Variants in TMEM235 observed in about 807,000 individuals in gnomAD.
The protein encoded by TMEM235 is transmembrane protein 235, also known as claudin-27.
In TMEM235, 23 loss-of-function variants were observed where a neutral mutation model predicts 22.9. That is an observed-to-expected ratio of 1.00 (90% CI 0.72 to 1.42). TMEM235 has a LOEUF of 1.42. Ranked by LOEUF, TMEM235 falls within the 40% of genes most tolerant of loss-of-function variation. TMEM235 has a pLI of 0.00. For synonymous variants in TMEM235, 137 were observed against 140.5 expected, an observed-to-expected ratio of 0.98 and a Z score of 0.17; for missense variants, 308 against 299.5, an observed-to-expected ratio of 1.03 and a Z score of -0.21.
At chr17:78,239,885 T>A (rs958428504) in exon 6 of TMEM235, 5 of 1,551,038 alleles carry the variant, frequency 3.2e-6, no homozygotes, top group Non-Finnish European at 4.4e-6. Context: ...TTCTGTCCAC[T>A]CTCCCCGAAG....
chr17:78,239,102 G>A (rs1339245518), exon 5 of TMEM235: 2 of 1,544,134 alleles, frequency 1.3e-6, no homozygotes, highest in Admixed American at 3.9e-5. Context: ...CAGCAGTATG[G>A]CCCGCAGCAC....
chr17:78,232,298 C>G (rs1282629062), intron 2 of TMEM235, 85 bp downstream of exon 1: 21 of 1,278,446 alleles, frequency 1.6e-5, no homozygotes, highest in Non-Finnish European at 1.9e-5. Context: ...CGTGTTGCCC[C>G]GCCAGACCCC....
intron 2 of TMEM235, 116 bp downstream of exon 1, chr17:78,232,329 C>A: frequency 1.0e-6 from 1 of 1,004,892 alleles, no homozygotes; most frequent in Non-Finnish European, 1.3e-6. Context: ...CCCTCTCTTG[C>A]ATCCCGCTCT....
At chr17:78,231,656 G>A in exon 2 of TMEM235, 3 of 1,298,270 alleles carry the variant, frequency 2.3e-6, no homozygotes, top group South Asian at 1.2e-5. Flanking sequence ...CGGCCAGGCA[G>A]GTGCATCTTG....
intron 2 of TMEM235, among the ~76,000 whole-genome samples, chr17:78,233,236 C>G (rs1247069878): frequency 6.6e-6 from 1 of 152,218 alleles, no homozygotes; most frequent in African/African-American, 2.4e-5. Flanking sequence ...CAGGAAGATT[C>G]CAGAGCGAGG....
At chr17:78,236,965 G>C (rs1184170515) in intron 4 of TMEM235, among the ~76,000 whole-genome samples, 1 of 152,240 alleles carries the variant, frequency 6.6e-6, no homozygotes, top group East Asian at 1.9e-4. Flanking sequence ...ATCCAATTAA[G>C]AGGACCTTCG....
Position 78,239,760 on chromosome 17 carries a change from A to G in TMEM235, c.660-20A>G. The G allele has an allele frequency of 1.3e-6, 2 of 1,530,836 alleles. No homozygotes were observed. Among genetic ancestry groups the G allele is most frequent in the Non-Finnish European group, 1.8e-6 (2 of 1,130,492 alleles). 94.8% of individuals were successfully genotyped at this position (1,530,836 alleles called of 1,614,324 possible). The stretch of plus-strand genomic sequence containing the variant: ...CCCGCAATGGCCCTACTCAATGACT[A>G]CCCTTTATCCATTTTACAGAGGGGG... On this transcript the variant is annotated intron_variant, in intron 5 of 5. Coordinates refer to ENST00000421688, the Ensembl canonical transcript of TMEM235.
At chr17:78,239,052 C>T in exon 5 of TMEM235, 8 of 1,543,384 alleles carry the variant, frequency 5.2e-6, no homozygotes, top group Non-Finnish European at 7.0e-6. Context: ...GGGTCAGCAT[C>T]TACATCAGCT....
chr17:78,234,389 G>A (rs1410297278), intron 3 of TMEM235: 5 of 795,866 alleles, frequency 6.3e-6, no homozygotes, highest in Non-Finnish European at 8.5e-6. Context: ...GGCTGGGAGT[G>A]TTCTGGGGAC....
intron 2 of TMEM235, 25 bp downstream of exon 1, chr17:78,232,238 C>A (rs2076590707): frequency 7.0e-7 from 1 of 1,428,706 alleles, no homozygotes; most frequent in Non-Finnish European, 9.1e-7. Context: ...CGCCGGCCCT[C>A]CTCCCTCCGC....
chr17:78,231,773 C>T (rs1306808848), exon 2 of TMEM235: 6 of 1,222,306 alleles, frequency 4.9e-6, no homozygotes, highest in Non-Finnish European at 5.3e-6. Context: ...CCAGGTTCGC[C>T]GCGCGGCTCT....
In TMEM235 at chr17:78,239,352, C is replaced by G. The variant is rs1057277962; in HGVS notation, c.659+79C>G. ...CAGGGCCCCTTGAGAGTCTGGGAATCCCTTCTCTGGGCCTCGCTGGGGTCC... is the reference window on the plus strand; with the variant it reads ...CAGGGCCCCTTGAGAGTCTGGGAATGCCTTCTCTGGGCCTCGCTGGGGTCC... On this transcript the variant is annotated intron_variant, in intron 5 of 5. Transcript: ENST00000421688. 17 of 1,453,334 alleles carry G rather than the reference C, an allele frequency of 1.2e-5. No homozygotes were observed. In the Admixed American group the frequency reaches 3.4e-4, roughly 29 times the overall value. The allele number at this position is 1,453,334 out of a possible 1,614,324, so 90.0% of individuals were successfully genotyped here. A position where few individuals can be genotyped will look rare whatever the true frequency, so the allele number is the denominator to read the frequency against.
At chr17:78,236,690 G>T (rs1328000884) in intron 4 of TMEM235, among the ~76,000 whole-genome samples, 1 of 152,244 alleles carries the variant, frequency 6.6e-6, no homozygotes, top group Non-Finnish European at 1.5e-5. Context: ...CCCGAGCCAG[G>T]CCCTGATGTC....
chr17:78,236,075 C>T lies in TMEM235; in HGVS notation c.409+1345C>T, dbSNP rs948570002. On this transcript the variant is annotated intron_variant, in intron 4 of 5. Coordinates refer to ENST00000421688, the Ensembl canonical transcript of TMEM235. The stretch of plus-strand genomic sequence containing the variant: ...ATTATCATTCCACATGCGATTCGGG[C>T]CGGGACACCAAACCCTAGCACCGTG... Among the ~76,000 whole-genome samples, 2 of 152,214 alleles carry T rather than the reference C, an allele frequency of 1.3e-5. 1 individual carries two copies. Among genetic ancestry groups the T allele is most frequent in the South Asian group, 4.1e-4 (2 of 4,828 alleles).
chr17:78,231,723 G>C (rs531566968), exon 2 of TMEM235: 2 of 1,248,692 alleles, frequency 1.6e-6, no homozygotes, highest in Non-Finnish European at 2.1e-6. Context: ...CCAGGGACCC[G>C]GGGCCAGCCC....
At chr17:78,233,357 T>C (rs905308854) in intron 2 of TMEM235, among the ~76,000 whole-genome samples, 2 of 152,188 alleles carry the variant, frequency 1.3e-5, no homozygotes, top group Non-Finnish European at 2.9e-5. Flanking sequence ...GGGGCCTCCA[T>C]GGAGCGTTTG....
chr17:78,235,026 G>A (rs1271382856), intron 4 of TMEM235, among the ~76,000 whole-genome samples: 1 of 152,220 alleles, frequency 6.6e-6, no homozygotes, highest in Non-Finnish European at 1.5e-5. Flanking sequence ...AGGCTGAGGT[G>A]GGTGGATCAT....
intron 4 of TMEM235, among the ~76,000 whole-genome samples, chr17:78,236,183 T>A (rs1487404293): frequency 6.6e-6 from 1 of 152,154 alleles, no homozygotes; most frequent in Admixed American, 6.5e-5. Flanking sequence ...GCGGGGGGCA[T>A]GAGGGCCTCC....
chr17:78,238,947 C>T lies in TMEM235; in HGVS notation c.410-77C>T. The stretch of plus-strand genomic sequence containing the variant: ...GCTAGCGGGGCCGGGGATGCTGAGG[C>T]CATGTCTGCAGGACCACCTGGGCCT... On this transcript the variant is annotated intron_variant, in intron 4 of 5. Coordinates refer to ENST00000421688, the Ensembl canonical transcript of TMEM235. The surrounding 1 kb of genome is among the most constrained non-coding windows in gnomAD (Gnocchi z 4.3). The T allele has an allele frequency of 6.8e-7, 1 of 1,478,404 alleles. No individual in the cohort carries two copies. Among genetic ancestry groups the T allele is most frequent in the East Asian group, 2.5e-5 (1 of 40,158 alleles). The allele number at this position is 1,478,404 out of a possible 1,614,324, so 91.6% of individuals were successfully genotyped here.
Sources: gnomAD v4.1 joint callset for allele counts (sites outside exome capture counted in the v4.1 genomes callset) on GRCh38, gnomAD v4.1.1 for gene constraint, Gnocchi (gnomAD v3.1) non-coding constraint, MANE v1.5 for transcripts, NCBI Gene and HGNC (gene_info 2026-07-23, HGNC 2026-07-21) for gene names.